Variants in NKAIN2 observed in about 807,000 individuals in gnomAD.
NKAIN2 encodes the protein sodium/potassium transporting ATPase interacting 2.
NKAIN2 carries 14 observed loss-of-function variants against 32.6 expected under a neutral mutation model. That is an observed-to-expected ratio of 0.43 (90% CI 0.28 to 0.67). NKAIN2 has a LOEUF of 0.67. Among genes scored for constraint, NKAIN2 ranks in the 30% least tolerant of loss-of-function variants. The probability of loss-of-function intolerance (pLI) is 0.17; values close to 1 mark genes in which losing one functional copy is unlikely to be tolerated. For missense variants in NKAIN2, 198 were observed against 258.3 expected (o/e 0.77, Z 1.60); for synonymous variants, 80 against 87.2 (o/e 0.92, Z 0.46).
intron 1 of NKAIN2, among the ~76,000 whole-genome samples, chr6:124,079,803 A>G (rs1325977022): frequency 1.3e-5 from 2 of 152,124 alleles, no homozygotes; most frequent in Non-Finnish European, 2.9e-5. Context: ...TAGCAAAAGC[A>G]TAATTTACCT....
At chr6:124,663,605 G>A (rs1562312701) in intron 4 of NKAIN2, among the ~76,000 whole-genome samples, 1 of 152,202 alleles carries the variant, frequency 6.6e-6, no homozygotes, top group Non-Finnish European at 1.5e-5. Flanking sequence ...TTCCCAAACT[G>A]TTATTATATA....
chr6:124,779,513 G>T (rs1384946839), intron 4 of NKAIN2, among the ~76,000 whole-genome samples: 1 of 152,192 alleles, frequency 6.6e-6, no homozygotes, highest in Non-Finnish European at 1.5e-5. Context: ...TCCTTTAACA[G>T]ATGAGTAAGT....
At chr6:124,626,326 A>T (rs1783341736) in intron 3 of NKAIN2, among the ~76,000 whole-genome samples, 1 of 151,928 alleles carries the variant, frequency 6.6e-6, no homozygotes, top group Non-Finnish European at 1.5e-5. Context: ...GAGTGTTGGG[A>T]TCAGCTTTGA....
intron 3 of NKAIN2, among the ~76,000 whole-genome samples, chr6:124,410,968 T>C (rs531920407): frequency 0.015 from 2,221 of 152,170 alleles, 17 homozygotes; most frequent in Middle Eastern, 0.041. Flanking sequence ...TCTTTGTTGG[T>C]TTAAAGTCTG....
chr6:123,997,597 C>CTTTTTT (rs545393601), intron 1 of NKAIN2, among the ~76,000 whole-genome samples: 5 of 98,244 alleles, frequency 5.1e-5, no homozygotes, highest in African/African-American at 7.9e-5. Context: ...GGAGTTTATT[C>CTTTTTT]TTTTTTTTTT....
Position 124,133,710 on chromosome 6 carries a change from T to G in NKAIN2, c.55-149295T>G, listed in dbSNP as rs560313675. Among the ~76,000 whole-genome samples the G allele has an allele frequency of 1.2e-4, 18 of 152,214 alleles. No homozygotes were observed. In the South Asian group the frequency reaches 3.7e-3, roughly 32 times the overall value. ...TGAACTTACCCACACTTCAAGAATA[T>G]AACTGCTACAAGTAGCATCAGGCAA... On this transcript the variant is annotated intron_variant, in intron 1 of 6. Transcript: ENST00000368417.
At chr6:124,048,133 T>C (rs1192334758) in intron 1 of NKAIN2, among the ~76,000 whole-genome samples, 2 of 152,038 alleles carry the variant, frequency 1.3e-5, no homozygotes, top group African/African-American at 4.8e-5. Flanking sequence ...GCTCCTCCCA[T>C]CCTGCTGAGC....
rs544092138 is a variant in NKAIN2, at chr6:124,358,506, T to A, written c.273+3159T>A. 2.9e-3 allele frequency among the ~76,000 whole-genome samples: 439 copies of A among 152,348 alleles called. 5 individuals are homozygous for A. Among genetic ancestry groups the A allele is most frequent in the African/African-American group, 0.01 (419 of 41,580 alleles). On this transcript the variant is annotated intron_variant, in intron 3 of 6. Coordinates refer to ENST00000368417, the MANE Select transcript of NKAIN2 (RefSeq NM_001040214.3). ...GATGGTATCTCATTGTGGTTTTGAT[T>A]TGCATTTCTCTGATGGTCAGTGATG...
At chr6:124,675,118 C>T (rs1773291641) in intron 4 of NKAIN2, among the ~76,000 whole-genome samples, 1 of 151,890 alleles carries the variant, frequency 6.6e-6, no homozygotes, top group South Asian at 2.1e-4. Context: ...TTGATCTGAT[C>T]TTGAGATTTT....
At position 124,376,452 on chromosome 6, in the gene NKAIN2, A is replaced by T. The variant is rs1389343945; in HGVS notation, c.273+21105A>T. Reference sequence around the variant, plus strand: ...AGCAGACAAAAAATCTCATAGTGTGAAATACATGAGTACATTAAAAAATTG... The same window carrying T: ...AGCAGACAAAAAATCTCATAGTGTGTAATACATGAGTACATTAAAAAATTG... On this transcript the variant is annotated intron_variant, in intron 3 of 6. Coordinates refer to ENST00000368417, the MANE Select transcript of NKAIN2 (RefSeq NM_001040214.3). Among the ~76,000 whole-genome samples the T allele has an allele frequency of 2.6e-5, 4 of 152,292 alleles. No individual in the cohort carries two copies. In the East Asian group the frequency reaches 7.7e-4, roughly 29 times the overall value.
Position 123,885,686 on chromosome 6 carries a change from G to C in NKAIN2, c.54+81432G>C, listed in dbSNP as rs574517338. On this transcript the variant is annotated intron_variant, in intron 1 of 6. Coordinates refer to ENST00000368417, the MANE Select transcript of NKAIN2 (RefSeq NM_001040214.3). ...TGCCAGTCTAAGGAAGTACAAGAAA[G>C]AGATTTTTGAATTAGTGAGCTATAT... Among the ~76,000 whole-genome samples the C allele has an allele frequency of 1.6e-4, 24 of 152,128 alleles. 1 individual carries two copies. In the South Asian group the frequency reaches 2.1e-3, roughly 13 times the overall value.
intron 3 of NKAIN2, among the ~76,000 whole-genome samples, chr6:124,535,858 C>A (rs1490337799): frequency 6.6e-6 from 1 of 152,170 alleles, no homozygotes; most frequent in African/African-American, 2.4e-5. Flanking sequence ...GAAGACAGAC[C>A]TGTGAATTCC....
chr6:124,191,056 C>T (rs1376386539), intron 1 of NKAIN2, among the ~76,000 whole-genome samples: 2 of 152,146 alleles, frequency 1.3e-5, no homozygotes, highest in African/African-American at 4.8e-5. Context: ...GAGGTTCACG[C>T]TTGCTGTTGT....
chr6:124,049,732 A>G (rs939171729), intron 1 of NKAIN2, among the ~76,000 whole-genome samples: 1 of 152,020 alleles, frequency 6.6e-6, no homozygotes, highest in African/African-American at 2.4e-5. Context: ...CAGCATGTCT[A>G]CACTGAAGAC....
chr6:124,800,270 G>T (rs1780190468), intron 5 of NKAIN2, among the ~76,000 whole-genome samples: 1 of 152,162 alleles, frequency 6.6e-6, no homozygotes, highest in Admixed American at 6.5e-5. Context: ...CTTAACAGCA[G>T]GAGGGCTAAG....
At chr6:124,378,783 A>C (rs1221827285) in intron 3 of NKAIN2, among the ~76,000 whole-genome samples, 1 of 151,760 alleles carries the variant, frequency 6.6e-6, no homozygotes, top group East Asian at 2.0e-4. Flanking sequence ...ATGGGTTTTG[A>C]AGTTCTGTTC....
At chr6:123,880,145 A>G (rs1773381510) in intron 1 of NKAIN2, among the ~76,000 whole-genome samples, 2 of 152,194 alleles carry the variant, frequency 1.3e-5, no homozygotes, top group Admixed American at 1.3e-4. Flanking sequence ...TTTGCAGTAT[A>G]TGTAAGGGAC....
chr6:124,202,032 G>T (rs1044875511), intron 1 of NKAIN2, among the ~76,000 whole-genome samples: 1 of 151,866 alleles, frequency 6.6e-6, no homozygotes, highest in East Asian at 1.9e-4. Context: ...ACCTGTAAAA[G>T]ATATCTAAGG....
intron 4 of NKAIN2, among the ~76,000 whole-genome samples, chr6:124,707,127 G>C (rs1228615173): frequency 6.6e-6 from 1 of 151,754 alleles, no homozygotes; most frequent in Non-Finnish European, 1.5e-5. Flanking sequence ...TACTGAGAAT[G>C]ATGATTTCTA....
Sources: allele counts gnomAD v4.1 joint callset (sites outside exome capture counted in the v4.1 genomes callset), GRCh38; gene constraint gnomAD v4.1.1; transcripts MANE v1.5; gene names NCBI Gene and HGNC (gene_info 2026-07-23, HGNC 2026-07-21).